Variants in TP63 observed in about 807,000 individuals in gnomAD.
The protein encoded by TP63 is tumor protein 63.
In TP63, 17 loss-of-function variants were observed where a neutral mutation model predicts 82.8. The observed-to-expected ratio is 0.21, with a 90% confidence interval of 0.14 to 0.31. TP63 has a LOEUF of 0.31. Among genes scored for constraint, TP63 ranks in the 10% least tolerant of loss-of-function variants. The pLI, the probability that TP63 is intolerant of heterozygous loss-of-function variation, is 1.00. For missense variants in TP63, 648 were observed against 895.3 expected, an observed-to-expected ratio of 0.72 and a Z score of 3.52; for synonymous variants, 330 against 321.7, an observed-to-expected ratio of 1.03 and a Z score of -0.28.
At chr3:189,807,552 C>G (rs1046984553) in intron 3 of TP63, among the ~76,000 whole-genome samples, 5 of 152,118 alleles carry the variant, frequency 3.3e-5, no homozygotes, top group Admixed American at 6.5e-5. Context: ...ATTTCTCTTA[C>G]AAATGTTCTA....
chr3:189,757,865 C>T (rs964490838), intron 3 of TP63, among the ~76,000 whole-genome samples: 10 of 151,886 alleles, frequency 6.6e-5, no homozygotes, highest in African/African-American at 2.2e-4. Context: ...GGCAGTCTCC[C>T]GATAGATAGA....
chr3:189,794,032 A>G (rs1004522278), intron 3 of TP63, among the ~76,000 whole-genome samples: 11 of 152,012 alleles, frequency 7.2e-5, no homozygotes, highest in African/African-American at 2.7e-4. Flanking sequence ...AATCTTAAGG[A>G]CACAATTTGT....
chr3:189,638,422 A>G lies in TP63; in HGVS notation c.62+6845A>G, dbSNP rs548752404. On this transcript the variant is annotated intron_variant, in intron 1 of 13. Coordinates refer to ENST00000264731, the MANE Select transcript of TP63 (RefSeq NM_003722.5). ...AAGGTGGGGCTGAAAAACACTGGAC[A>G]AGCTAGCCCGGGGACTGCAGATGCA... Among the ~76,000 whole-genome samples the G allele has an allele frequency of 9.2e-5, 14 of 152,234 alleles. No homozygotes were observed. In the East Asian group the frequency reaches 2.7e-3, roughly 29 times the overall value.
intron 1 of TP63, among the ~76,000 whole-genome samples, chr3:189,727,380 T>C (rs368270231): frequency 6.6e-6 from 1 of 152,168 alleles, no homozygotes; most frequent in African/African-American, 2.4e-5. Context: ...GCAGTAAACC[T>C]TTCCTCAATT....
chr3:189,775,269 T>A (rs1034914217), intron 3 of TP63, among the ~76,000 whole-genome samples: 13 of 151,738 alleles, frequency 8.6e-5, no homozygotes, highest in African/African-American at 2.7e-4. Flanking sequence ...AAAATTGACT[T>A]GTAAACTACA....
intron 1 of TP63, among the ~76,000 whole-genome samples, chr3:189,697,633 C>T (rs1717490684): frequency 6.6e-6 from 1 of 151,978 alleles, no homozygotes. Flanking sequence ...ATGTATACAT[C>T]AAGTTGGGAG....
At chr3:189,825,446 T>C (rs1729238522) in intron 4 of TP63, among the ~76,000 whole-genome samples, 1 of 152,192 alleles carries the variant, frequency 6.6e-6, no homozygotes, top group African/African-American at 2.4e-5. Flanking sequence ...AAAAATAAAT[T>C]ATGCTTTCCA....
intron 4 of TP63, among the ~76,000 whole-genome samples, chr3:189,855,463 A>G (rs775264952): frequency 2.0e-5 from 3 of 152,164 alleles, no homozygotes; most frequent in South Asian, 2.1e-4. Context: ...GCCAATTTAT[A>G]TACTAAACTG....
chr3:189,703,063 C>G (rs944510341), intron 1 of TP63, among the ~76,000 whole-genome samples: 6 of 152,146 alleles, frequency 3.9e-5, no homozygotes, highest in Admixed American at 1.3e-4. Context: ...GTTTAAGGAA[C>G]TTGCTCCCAG....
intron 4 of TP63, among the ~76,000 whole-genome samples, chr3:189,852,324 G>C (rs538383293): frequency 6.6e-6 from 1 of 152,016 alleles, no homozygotes; most frequent in Non-Finnish European, 1.5e-5. Context: ...CTCTATTGTC[G>C]ACAATTCCAT....
intron 4 of TP63, among the ~76,000 whole-genome samples, chr3:189,825,415 C>T (rs1729235538): frequency 6.6e-6 from 1 of 152,148 alleles, no homozygotes; most frequent in Admixed American, 6.5e-5. Context: ...CGTGAGTCTA[C>T]CGATTAATCC....
chr3:189,801,204 T>C (rs1431446296), intron 3 of TP63, among the ~76,000 whole-genome samples: 1 of 152,204 alleles, frequency 6.6e-6, no homozygotes, highest in East Asian at 1.9e-4. Context: ...TGAAGAATTT[T>C]ATTACTATGT....
At chr3:189,709,224 T>C (rs4687089) in intron 1 of TP63, among the ~76,000 whole-genome samples, 139,113 of 152,210 alleles carry the variant, frequency 0.91, 63,742 homozygotes, top group African/African-American at 0.98. Flanking sequence ...TTACTACTTT[T>C]CCCTTTTGGT....
At chr3:189,744,745 G>A (rs1721243784) in intron 3 of TP63, among the ~76,000 whole-genome samples, 1 of 152,166 alleles carries the variant, frequency 6.6e-6, no homozygotes, top group Non-Finnish European at 1.5e-5. Flanking sequence ...TCAAGAACCT[G>A]CCTACCCACC....
intron 1 of TP63, among the ~76,000 whole-genome samples, chr3:189,652,467 G>A (rs1712977023): frequency 6.8e-6 from 1 of 147,204 alleles, no homozygotes; most frequent in African/African-American, 2.5e-5. Context: ...TATCTAGGAA[G>A]TAACTAGCTT....
intron 1 of TP63, among the ~76,000 whole-genome samples, chr3:189,707,110 T>C (rs1334419966): frequency 6.6e-6 from 1 of 152,246 alleles, no homozygotes; most frequent in African/African-American, 2.4e-5. Flanking sequence ...TAAGACATGA[T>C]CATTTTTAAT....
intron 1 of TP63, among the ~76,000 whole-genome samples, chr3:189,717,363 A>C (rs538087366): frequency 1.3e-5 from 2 of 152,300 alleles, no homozygotes; most frequent in African/African-American, 4.8e-5. Flanking sequence ...TTCCACACTG[A>C]TCAAGAGACC....
chr3:189,617,299 G>C, the TP63 span, among the ~76,000 whole-genome samples: 2 of 152,222 alleles, frequency 1.3e-5, no homozygotes. Flanking sequence ...ATATGACAAA[G>C]AGCAGAAGAG....
At chr3:189,640,549 AT>A (rs1711757207) in intron 1 of TP63, among the ~76,000 whole-genome samples, 2 of 152,100 alleles carry the variant, frequency 1.3e-5, no homozygotes, top group Admixed American at 1.3e-4. Flanking sequence ...ATGTTCAATC[AT>A]TTTTTTCTTG....
Sources: gnomAD v4.1 joint callset for allele counts (sites outside exome capture counted in the v4.1 genomes callset) on GRCh38, gnomAD v4.1.1 for gene constraint, MANE v1.5 for transcripts, NCBI Gene and HGNC (gene_info 2026-07-23, HGNC 2026-07-21) for gene names.